KLHL13: variants seen among roughly 807,000 people sequenced by gnomAD.
The protein encoded by KLHL13 is kelch-like protein 13.
A neutral mutation model predicts 37.1 loss-of-function variants in KLHL13; 10 were observed. The observed-to-expected ratio is 0.27, with a 90% CI of 0.17 to 0.46. KLHL13 has a LOEUF of 0.46. Among genes scored for constraint, KLHL13 ranks in the 20% least tolerant of loss-of-function variants. The pLI, the probability that KLHL13 is intolerant of heterozygous loss-of-function variation, is 1.00. For synonymous variants in KLHL13, 163 were observed against 181.2 expected (o/e 0.90, Z 0.81); for missense variants, 360 against 509.3 (o/e 0.71, Z 2.82).
chrX:118,072,172 G>A (rs1297074040), intron 1 of KLHL13, among the ~76,000 whole-genome samples: 2 of 109,621 alleles, frequency 1.8e-5, no homozygotes, highest in Non-Finnish European at 3.8e-5. Context: ...CAGAAATAAC[G>A]CCGCATATCT....
chrX:117,962,039 A>G (rs1218346186), intron 1 of KLHL13, among the ~76,000 whole-genome samples: 1 of 103,715 alleles, frequency 9.6e-6, no homozygotes, highest in Non-Finnish European at 1.9e-5. Flanking sequence ...CCTCATCTCT[A>G]CAAATAATAA....
intron 1 of KLHL13, among the ~76,000 whole-genome samples, chrX:118,012,406 A>G (rs1234155528): frequency 9.1e-6 from 1 of 110,278 alleles, no homozygotes; most frequent in Non-Finnish European, 1.9e-5. Context: ...CCCAGATTCT[A>G]GAGGCTACCT....
At chrX:118,046,737 GGT>G (rs2054565014) in intron 1 of KLHL13, among the ~76,000 whole-genome samples, 2 of 111,382 alleles carry the variant, frequency 1.8e-5, no homozygotes, top group African/African-American at 6.5e-5. Flanking sequence ...CCCATGAGAA[GGT>G]GGAATCCCAA....
chrX:118,085,921 C>T (rs2055049997), intron 1 of KLHL13, among the ~76,000 whole-genome samples: 1 of 106,740 alleles, frequency 9.4e-6, no homozygotes, highest in Non-Finnish European at 1.9e-5. Context: ...AATTGTGCTG[C>T]AATAAACATA....
intron 1 of KLHL13, among the ~76,000 whole-genome samples, chrX:118,080,440 A>C (rs777953685): frequency 9.0e-6 from 1 of 111,350 alleles, no homozygotes; most frequent in Admixed American, 9.6e-5. Flanking sequence ...CAACCCCATT[A>C]AAAAAACGGG....
chrX:117,918,073 A>G (rs1395226337), intron 4 of KLHL13, among the ~76,000 whole-genome samples: 1 of 111,751 alleles, frequency 8.9e-6, no homozygotes, highest in Non-Finnish European at 1.9e-5. Flanking sequence ...TTTAGCACCT[A>G]AATTCAGTAA....
At chrX:117,992,674 C>G (rs2053808551) in intron 1 of KLHL13, among the ~76,000 whole-genome samples, 1 of 110,156 alleles carries the variant, frequency 9.1e-6, no homozygotes, top group South Asian at 3.9e-4. Context: ...TTGTGGCTGC[C>G]TCTCTGTTCA....
intron 1 of KLHL13, among the ~76,000 whole-genome samples, chrX:118,096,063 A>C (rs2055202273): frequency 8.9e-6 from 1 of 112,373 alleles, no homozygotes; most frequent in Non-Finnish European, 1.9e-5. Context: ...GCAGAAGGCA[A>C]GAAATAACAA....
intron 1 of KLHL13, among the ~76,000 whole-genome samples, chrX:118,113,536 CCCT>C (rs959466941): frequency 8.9e-6 from 1 of 112,021 alleles, no homozygotes; most frequent in Non-Finnish European, 1.9e-5. Context: ...TCTTTTTCCC[CCCT>C]CAAGGCCTTG....
intron 1 of KLHL13, among the ~76,000 whole-genome samples, chrX:118,066,909 C>T (rs1020711872): frequency 3.6e-5 from 4 of 111,562 alleles, no homozygotes; most frequent in Non-Finnish European, 7.5e-5. Context: ...AAGGTACGTG[C>T]CCATGAACAC....
chrX:117,908,350 T>C (rs186072121), intron 5 of KLHL13, among the ~76,000 whole-genome samples: 3,071 of 109,123 alleles, frequency 0.028, 124 homozygotes, highest in African/African-American at 0.096. Context: ...CCCATCAACC[T>C]GTCACCTACA....
intron 1 of KLHL13, among the ~76,000 whole-genome samples, chrX:117,965,900 T>C (rs1257739316): frequency 9.0e-6 from 1 of 111,637 alleles, no homozygotes; most frequent in African/African-American, 3.3e-5. Context: ...TGATGGGATG[T>C]ATCTCAAAAT....
intron 1 of KLHL13, among the ~76,000 whole-genome samples, chrX:118,038,476 G>A (rs1255930340): frequency 9.0e-6 from 1 of 111,450 alleles, no homozygotes; most frequent in African/African-American, 3.3e-5. Context: ...TTGTGCAGAG[G>A]GAGAATCTGT....
intron 1 of KLHL13, among the ~76,000 whole-genome samples, chrX:118,018,922 T>C (rs1429665460): frequency 9.0e-6 from 1 of 111,570 alleles, no homozygotes; most frequent in Non-Finnish European, 1.9e-5. Context: ...CTAACCTTTT[T>C]ATTTCTTTCT....
At chrX:117,994,197 T>C (rs1163347158) in intron 1 of KLHL13, among the ~76,000 whole-genome samples, 1 of 111,025 alleles carries the variant, frequency 9.0e-6, no homozygotes, top group Non-Finnish European at 1.9e-5. Context: ...TTTAATTTCT[T>C]CCTATATATC....
intron 1 of KLHL13, among the ~76,000 whole-genome samples, chrX:117,988,674 T>C (rs2053754194): frequency 8.9e-6 from 1 of 111,846 alleles, no homozygotes; most frequent in Non-Finnish European, 1.9e-5. Context: ...GCTGCCTGCA[T>C]TGTCACTGAA....
At chrX:118,001,641 A>T (rs2053921601) in intron 1 of KLHL13, among the ~76,000 whole-genome samples, 1 of 110,959 alleles carries the variant, frequency 9.0e-6, no homozygotes, top group African/African-American at 3.3e-5. Flanking sequence ...AGGCAGGTGG[A>T]TTGCTGGAGC....
chrX:118,078,650 T>G (rs1233216131), intron 1 of KLHL13, among the ~76,000 whole-genome samples: 1 of 111,799 alleles, frequency 8.9e-6, no homozygotes, highest in African/African-American at 3.2e-5. Context: ...CACGTTTGTT[T>G]ATTCTATCAC....
chrX:117,930,234 A>AAGGG lies in KLHL13; in HGVS notation c.241-9865_241-9864insCCCT, dbSNP rs1569418448. ...AAAAGGAAGAAGGAAGGAAGGAAGG[A>AAGGG]AGGAAGGGAGGAAGGAAGGAAGGAA... On this transcript the variant is annotated intron_variant, in intron 2 of 6. Coordinates refer to ENST00000262820, the Ensembl canonical transcript of KLHL13. Among the ~76,000 whole-genome samples, 58 of 81,950 alleles carry AAGGG rather than the reference A, an allele frequency of 7.1e-4. No individual in the cohort carries two copies. In the South Asian group the frequency reaches 0.023, roughly 32 times the overall value. 71.2% of individuals were successfully genotyped at this position (81,950 alleles called of 115,157 possible).
Sources: allele counts gnomAD v4.1 joint callset (sites outside exome capture counted in the v4.1 genomes callset), GRCh38; gene constraint gnomAD v4.1.1; transcripts MANE v1.5; gene names NCBI Gene and HGNC (gene_info 2026-07-23, HGNC 2026-07-21).